The following LONP2 variants were observed in gnomAD, a reference collection of about 807,000 sequenced individuals.
LONP2 encodes lon peptidase 2, peroxisomal, also known as lon protease homolog 2, peroxisomal.
LONP2 carries 60 observed loss-of-function variants against 85.6 expected under a neutral mutation model. That is an observed-to-expected ratio of 0.70 (90% CI 0.57 to 0.87). LONP2 has a LOEUF of 0.87. Ranked by LOEUF, LONP2 falls within the 40% of genes least tolerant of loss-of-function variation. The pLI, the probability that LONP2 is intolerant of heterozygous loss-of-function variation, is 0.00. For missense variants in LONP2, 860 were observed against 1,063.5 expected (o/e 0.81, Z 2.66); for synonymous variants, 395 against 389.7 (o/e 1.01, Z -0.16).
intron 8 of LONP2, among the ~76,000 whole-genome samples, chr16:48,279,288 A>G (rs768328592): frequency 1.3e-5 from 2 of 152,162 alleles, no homozygotes; most frequent in Non-Finnish European, 2.9e-5. Flanking sequence ...ATTGGAGGCT[A>G]TGAGCATAGG....
At chr16:48,261,040 G>T (rs1359591209) in intron 4 of LONP2, among the ~76,000 whole-genome samples, 1 of 152,084 alleles carries the variant, frequency 6.6e-6, no homozygotes, top group African/African-American at 2.4e-5. Context: ...GAGATAAAAT[G>T]GAATTTTTTT....
chr16:48,295,888 T>G (rs1056285500), intron 8 of LONP2, 127 bp from the exon 9 acceptor site: 2 of 798,324 alleles, frequency 2.5e-6, no homozygotes, highest in African/African-American at 3.5e-5. Context: ...ATGTTAGTTT[T>G]GTCTGTTTCT....
Position 48,277,475 on chromosome 16 carries a change from T to C in LONP2, c.1379T>C (p.Leu460Pro). Residue 460 changes from leucine (L) to proline (P), a missense_variant, in exon 8 of 15, where the codon CTT becomes CCT. Physicochemically the swap from Leu to Pro is moderately conservative, Grantham distance 98. Coordinates refer to ENST00000285737, the MANE Select transcript of LONP2 (RefSeq NM_031490.5). Reference protein sequence around the residue: ...SLQGDPAAALLEVLDPEQNHN... With the variant: ...SLQGDPAAALPEVLDPEQNHN... ...CAGGGTGATCCAGCAGCAGCTCTGC[T>C]TGAGGTAAGATTTGGAAAATTCCCT... 6.2e-7 allele frequency: 1 copy of C among 1,613,172 alleles called. No homozygotes were observed. Among genetic ancestry groups the C allele is most frequent in the Non-Finnish European group, 8.5e-7 (1 of 1,179,532 alleles).
chr16:48,361,646 G>A (rs1960601912), downstream of LONP2: 1 of 1,612,680 alleles, frequency 6.2e-7, no homozygotes, highest in African/African-American at 1.3e-5. Context: ...GTGCAATGCT[G>A]GTGTCAAAGA....
chr16:48,326,235 G>A (rs1181966911), intron 11 of LONP2, among the ~76,000 whole-genome samples: 1 of 152,186 alleles, frequency 6.6e-6, no homozygotes, highest in Non-Finnish European at 1.5e-5. Context: ...AACAGAAACA[G>A]TAGTAGTCCT....
At position 48,352,636 on chromosome 16, in the gene LONP2, A is replaced by G. The variant is rs1052777460; in HGVS notation, c.*834A>G. On this transcript the variant is annotated 3_prime_UTR_variant, in exon 15 of 15. Coordinates refer to ENST00000285737, the MANE Select transcript of LONP2 (RefSeq NM_031490.5). ...CTGACAGAGCGAGACTGTCTCTAAA[A>G]AAAAAAGACTCAAGTGGACCCTACA... The G allele has an allele frequency of 5.9e-5, 9 of 152,264 alleles. No individual in the cohort carries two copies. The highest frequency in any genetic ancestry group is 2.2e-4 in the African/African-American group (9 of 41,434). 9.4% of individuals were successfully genotyped at this position (152,264 alleles called of 1,614,324 possible). A position where few individuals can be genotyped will look rare whatever the true frequency, so the allele number is the denominator to read the frequency against.
At chr16:48,284,562 G>A (rs1344191090) in intron 8 of LONP2, among the ~76,000 whole-genome samples, 5 of 152,150 alleles carry the variant, frequency 3.3e-5, no homozygotes, top group African/African-American at 1.2e-4. Context: ...TGAAGACTCA[G>A]GTGATTAGCA....
At chr16:48,308,781 A>G (rs1268699499) in intron 11 of LONP2, among the ~76,000 whole-genome samples, 2 of 152,188 alleles carry the variant, frequency 1.3e-5, no homozygotes, top group Non-Finnish European at 2.9e-5. Context: ...AGCAAAAGCA[A>G]CAAAACCAAA....
chr16:48,294,116 T>C (rs1221859734), intron 8 of LONP2, among the ~76,000 whole-genome samples: 1 of 152,076 alleles, frequency 6.6e-6, no homozygotes, highest in African/African-American at 2.4e-5. Context: ...TTTGTATTTT[T>C]TTTTAGTAGA....
rs1432348530 is a variant in LONP2, at chr16:48,362,369, C to G, written c.*506C>G. 6.2e-6 allele frequency: 10 copies of G among 1,614,048 alleles called. No homozygotes were observed. Among genetic ancestry groups the G allele is most frequent in the Admixed American group, 1.7e-5 (1 of 60,000 alleles). Reference sequence around the variant, plus strand: ...TTGTGCCAGTCAGGGCAGGCACCCTCTGGGATGGTGGACACTTCGAGGTAC... The same window carrying G: ...TTGTGCCAGTCAGGGCAGGCACCCTGTGGGATGGTGGACACTTCGAGGTAC... On this transcript the variant is annotated 3_prime_UTR_variant, in exon 5 of 5. Coordinates refer to the LONP2 transcript ENST00000565867. The surrounding 1 kb of genome is among the most constrained non-coding windows in gnomAD (Gnocchi z 4.2).
rs768139936 is a variant in LONP2, at chr16:48,299,828, CT to C, written c.1661+44del. The C allele has an allele frequency of 8.7e-5, 138 of 1,588,446 alleles. No homozygotes were observed. The African/African-American group carries it at 1.8e-3, about 20-fold the overall frequency. On this transcript the variant is annotated intron_variant, in intron 10 of 14. Coordinates refer to ENST00000285737, the MANE Select transcript of LONP2 (RefSeq NM_031490.5). The stretch of plus-strand genomic sequence containing the variant: ...CTGAGGCTTCATTAACTCCAGGCAA[CT>C]TTTGAGTATTTACTGAGTTACCAAA...
At chr16:48,260,792 C>T (rs1195502521) in intron 4 of LONP2, among the ~76,000 whole-genome samples, 1 of 152,128 alleles carries the variant, frequency 6.6e-6, no homozygotes, top group African/African-American at 2.4e-5. Context: ...ACAATTTTGG[C>T]AGGATGGGAA....
At position 48,354,551 on chromosome 16, in the gene LONP2, C is replaced by A. The variant is rs1218766131; in HGVS notation, c.*2749C>A. ...ACCACAAACTGAAACTCTGTACCCA[C>A]TGAAAAAGAGCTCCAAATTCCACCC... On this transcript the variant is annotated 3_prime_UTR_variant, in exon 15 of 15. Coordinates refer to ENST00000285737, the MANE Select transcript of LONP2 (RefSeq NM_031490.5). The A allele has an allele frequency of 6.6e-6, 1 of 152,286 alleles. No homozygotes were observed. Among genetic ancestry groups the A allele is most frequent in the Non-Finnish European group, 1.5e-5 (1 of 68,160 alleles). 9.4% of individuals were successfully genotyped at this position (152,286 alleles called of 1,614,324 possible). A position where few individuals can be genotyped will look rare whatever the true frequency, so the allele number is the denominator to read the frequency against.
intron 10 of LONP2, 128 bp from the exon 11 acceptor site, chr16:48,303,044 G>A (rs1972838891): frequency 1.1e-6 from 1 of 898,864 alleles, no homozygotes. Flanking sequence ...GTGTGGAAAA[G>A]TTAGTACTCA....
chr16:48,275,685 A>G (rs923172669), intron 7 of LONP2, among the ~76,000 whole-genome samples: 2 of 152,160 alleles, frequency 1.3e-5, no homozygotes, highest in African/African-American at 4.8e-5. Flanking sequence ...GCGTAATAGT[A>G]TCTTGATTGT....
intron 1 of LONP2, among the ~76,000 whole-genome samples, chr16:48,250,156 C>T (rs533794556): frequency 2.6e-5 from 4 of 150,960 alleles, no homozygotes; most frequent in South Asian, 4.2e-4. Flanking sequence ...CGCCATTGTA[C>T]GTCAGGCTGG....
chr16:48,252,412 T>C (rs1403463188), intron 2 of LONP2, 47 bp downstream of exon 2: 1 of 1,276,788 alleles, frequency 7.8e-7, no homozygotes. Context: ...CTTTGGTTCT[T>C]TTGCTTTCCT....
chr16:48,307,971 G>A (rs1467095823), intron 11 of LONP2, among the ~76,000 whole-genome samples: 1 of 152,102 alleles, frequency 6.6e-6, no homozygotes, highest in Non-Finnish European at 1.5e-5. Context: ...AAGAGCCAGG[G>A]ACCTTTTAAC....
intron 6 of LONP2, among the ~76,000 whole-genome samples, chr16:48,266,526 TCCTCCTTG>T (rs1181734001): frequency 1.3e-5 from 2 of 152,108 alleles, no homozygotes; most frequent in Admixed American, 6.6e-5. Context: ...CCCGCCCCTT[TCCTCCTTG>T]CCTCCTAATC....
Sources: gnomAD v4.1 joint callset for allele counts (sites outside exome capture counted in the v4.1 genomes callset) on GRCh38, gnomAD v4.1.1 for gene constraint, Gnocchi (gnomAD v3.1) non-coding constraint, MANE v1.5 for transcripts, NCBI Gene and HGNC (gene_info 2026-07-23, HGNC 2026-07-21) for gene names.